ABCC4: variants seen among roughly 807,000 people sequenced by gnomAD.
ABCC4 encodes the protein ATP-binding cassette sub-family C member 4.
ABCC4 carries 102 observed loss-of-function variants against 168.5 expected under a neutral mutation model. The ratio of observed to expected loss-of-function variants is 0.61; its 90% CI spans 0.52 to 0.71. ABCC4 has a LOEUF of 0.71. Among genes scored for constraint, ABCC4 ranks in the 30% least tolerant of loss-of-function variants. ABCC4 has a pLI of 0.00. For synonymous variants in ABCC4, 617 were observed against 590.7 expected (o/e 1.04, Z -0.65); for missense variants, 1,402 against 1,605.8 (o/e 0.87, Z 2.17).
At chr13:95,189,404 A>G (rs1471093537) in intron 9 of ABCC4, among the ~76,000 whole-genome samples, 1 of 151,672 alleles carries the variant, frequency 6.6e-6, no homozygotes, top group East Asian at 1.9e-4. Context: ...TACAGGCGTG[A>G]GCCACCGCGC....
intron 3 of ABCC4, among the ~76,000 whole-genome samples, chr13:95,242,233 A>C (rs113328166): frequency 0.027 from 719 of 26,994 alleles, 10 homozygotes; most frequent in African/African-American, 0.14. Flanking sequence ...CTAACTCCAT[A>C]ATTTTTTTTT....
chr13:95,092,504 A>G (rs2034467195), intron 20 of ABCC4, among the ~76,000 whole-genome samples: 1 of 152,206 alleles, frequency 6.6e-6, no homozygotes, highest in Non-Finnish European at 1.5e-5. Context: ...ATCAAGATGG[A>G]AATTAAAAAA....
chr13:95,026,044 C>T (rs1317850798), intron 30 of ABCC4, among the ~76,000 whole-genome samples: 4 of 151,976 alleles, frequency 2.6e-5, no homozygotes, highest in African/African-American at 7.2e-5. Flanking sequence ...ATAATGAAAA[C>T]TTGTATCATA....
At chr13:95,118,904 G>C (rs958953683) in intron 19 of ABCC4, among the ~76,000 whole-genome samples, 1 of 152,166 alleles carries the variant, frequency 6.6e-6, no homozygotes, top group African/African-American at 2.4e-5. Context: ...TGACAGGGCA[G>C]CTCTTCAACT....
intron 1 of ABCC4, among the ~76,000 whole-genome samples, chr13:95,261,179 G>A (rs752140977): frequency 1.3e-5 from 2 of 152,020 alleles, no homozygotes; most frequent in Non-Finnish European, 2.9e-5. Flanking sequence ...CAGGCCCAGT[G>A]GCTCACGCCT....
chr13:95,029,907 T>C (rs997929979), intron 30 of ABCC4, among the ~76,000 whole-genome samples: 6 of 152,266 alleles, frequency 3.9e-5, no homozygotes, highest in Non-Finnish European at 7.4e-5. Flanking sequence ...TGTAAGGCCA[T>C]TGGCTGCTAA....
chr13:95,298,623 G>A (rs772136105), intron 1 of ABCC4, among the ~76,000 whole-genome samples: 1 of 152,122 alleles, frequency 6.6e-6, no homozygotes, highest in African/African-American at 2.4e-5. Flanking sequence ...CCAACTGCAG[G>A]TACTTTAAGA....
At chr13:95,086,943 G>C (rs1332027107) in intron 20 of ABCC4, among the ~76,000 whole-genome samples, 2 of 152,152 alleles carry the variant, frequency 1.3e-5, no homozygotes, top group Non-Finnish European at 2.9e-5. Context: ...TAATTCTGCT[G>C]TAAGCCACTG....
intron 1 of ABCC4, among the ~76,000 whole-genome samples, chr13:95,256,607 A>G (rs1188671803): frequency 4.6e-5 from 7 of 152,038 alleles, no homozygotes; most frequent in Non-Finnish European, 1.0e-4. Context: ...ACATACAAAA[A>G]ACTGGCCAGG....
chr13:95,254,502 A>G (rs1260520923), intron 1 of ABCC4, among the ~76,000 whole-genome samples: 1 of 151,962 alleles, frequency 6.6e-6, no homozygotes, highest in East Asian at 1.9e-4. Context: ...CAAACAGAAC[A>G]CCTTTTCATC....
intron 1 of ABCC4, among the ~76,000 whole-genome samples, chr13:95,300,707 G>A (rs2041653022): frequency 1.3e-5 from 2 of 152,168 alleles, no homozygotes; most frequent in African/African-American, 4.8e-5. Flanking sequence ...ACACTACTGG[G>A]AGATGGCATA....
rs1257943777 is a variant in ABCC4 at position 95,020,706 on chromosome 13, G to C, written c.*869C>G. 6.6e-6 allele frequency: 1 copy of C among 152,216 alleles called. No individual in the cohort carries two copies. The highest frequency in any genetic ancestry group is 1.5e-5 in the Non-Finnish European group (1 of 68,030). 9.4% of individuals were successfully genotyped at this position (152,216 alleles called of 1,614,324 possible). Reference sequence around the variant, plus strand: ...AACCAAAAGGCTTACAGTCAACAGAGGGTTAGCCTTCCATAAATGAGAAAT... The same window carrying C: ...AACCAAAAGGCTTACAGTCAACAGACGGTTAGCCTTCCATAAATGAGAAAT... On this transcript the variant is annotated 3_prime_UTR_variant, in exon 31 of 31. Coordinates refer to ENST00000645237, the MANE Select transcript of ABCC4 (RefSeq NM_005845.5).
chr13:95,216,625 A>C (rs1594316795), intron 4 of ABCC4, among the ~76,000 whole-genome samples: 1 of 151,422 alleles, frequency 6.6e-6, no homozygotes, highest in African/African-American at 2.4e-5. Context: ...AAAAAAAAAA[A>C]AAAAAAACCA....
At chr13:95,216,626 A>AAAAAAAAC (rs2039119645) in intron 4 of ABCC4, among the ~76,000 whole-genome samples, 1 of 150,074 alleles carries the variant, frequency 6.7e-6, no homozygotes, top group Admixed American at 6.7e-5. Context: ...AAAAAAAAAA[A>AAAAAAAAC]AAAAAACCAG....
At chr13:95,061,595 TG>T (rs1228791550) in intron 26 of ABCC4, among the ~76,000 whole-genome samples, 4 of 5,338 alleles carry the variant, frequency 7.5e-4, no homozygotes, top group African/African-American at 1.7e-3. Flanking sequence ...AATATGTGTT[TG>T]TGTGTGTGTG....
At chr13:95,074,020 T>C (rs1242663212) in intron 23 of ABCC4, among the ~76,000 whole-genome samples, 194 bp downstream of exon 23, 1 of 152,120 alleles carries the variant, frequency 6.6e-6, no homozygotes, top group Non-Finnish European at 1.5e-5. Context: ...GATAAACCCA[T>C]CAAGACCCAA....
intron 29 of ABCC4, among the ~76,000 whole-genome samples, chr13:95,039,316 AT>A (rs1943750488): frequency 1.3e-5 from 2 of 152,348 alleles, no homozygotes; most frequent in South Asian, 2.1e-4. Flanking sequence ...AGCATTTCAG[AT>A]TTCAGATTAG....
intron 20 of ABCC4, among the ~76,000 whole-genome samples, chr13:95,088,429 T>C (rs1342341035): frequency 6.6e-6 from 1 of 152,188 alleles, no homozygotes; most frequent in African/African-American, 2.4e-5. Flanking sequence ...TACAATACTA[T>C]AGCCAATAAC....
intron 1 of ABCC4, among the ~76,000 whole-genome samples, chr13:95,278,318 T>C (rs1270120789): frequency 1.3e-5 from 2 of 152,198 alleles, no homozygotes; most frequent in African/African-American, 4.8e-5. Flanking sequence ...TTCATGGTCA[T>C]ATCATCTAAC....
Sources: allele counts gnomAD v4.1 joint callset (sites outside exome capture counted in the v4.1 genomes callset), GRCh38; gene constraint gnomAD v4.1.1; transcripts MANE v1.5; gene names NCBI Gene and HGNC (gene_info 2026-07-23, HGNC 2026-07-21).